Variants in STS observed in about 807,000 individuals in gnomAD.
The protein encoded by STS is steroid sulfatase.
A neutral mutation model predicts 26.8 loss-of-function variants in STS; 7 were observed. The observed-to-expected ratio is 0.26, with a 90% confidence interval of 0.15 to 0.49. STS has a LOEUF of 0.49. Among genes scored for constraint, STS ranks in the 20% least tolerant of loss-of-function variants. The probability of loss-of-function intolerance (pLI) is 0.98; values close to 1 mark genes in which losing one functional copy is unlikely to be tolerated. For synonymous variants in STS, 199 were observed against 189.4 expected (o/e 1.05, Z -0.42); for missense variants, 434 against 465.6 (o/e 0.93, Z 0.63).
chrX:7,277,504 A>G (rs1269698041), intron 7 of STS, among the ~76,000 whole-genome samples: 1 of 111,766 alleles, frequency 8.9e-6, no homozygotes. Context: ...TTCTTAAGAA[A>G]CAAGACTGGG....
Position 7,155,379 on chromosome X carries a change from T to C in STS, c.-134+7296T>C, listed in dbSNP as rs141408626. Among the ~76,000 whole-genome samples the C allele has an allele frequency of 8.4e-4, 94 of 112,077 alleles. 1 individual carries two copies. Among genetic ancestry groups the C allele is most frequent in the African/African-American group, 2.8e-3 (87 of 30,848 alleles). On this transcript the variant is annotated intron_variant, in intron 1 of 10. Coordinates refer to ENST00000674429, the MANE Select transcript of STS (RefSeq NM_001320752.2). ...GCTGTGGGATTTTGCCAAGTCAGCG[T>C]GACACCAAACACATTGGAAAAGCAG...
intron 2 of STS, among the ~76,000 whole-genome samples, chrX:7,214,316 A>G (rs1398813268): frequency 5.4e-5 from 6 of 111,460 alleles, no homozygotes; most frequent in Non-Finnish European, 1.1e-4. Flanking sequence ...TCCTTTTCCT[A>G]ACTTTTCCAT....
intron 2 of STS, among the ~76,000 whole-genome samples, chrX:7,224,896 G>A (rs781750361): frequency 3.6e-5 from 4 of 112,119 alleles, no homozygotes; most frequent in Admixed American, 9.5e-5. Context: ...ACTTTATTTT[G>A]CTCTTTCTGG....
chrX:7,196,245 G>A lies in STS; in HGVS notation c.-5+5237G>A, dbSNP rs1448637038. ...ACCAGGAAAAGTATGGTAAACCAGGGTAAGGTTGGCTGTGCACATTTCAGT... is the reference window on the plus strand; with the variant it reads ...ACCAGGAAAAGTATGGTAAACCAGGATAAGGTTGGCTGTGCACATTTCAGT... On this transcript the variant is annotated intron_variant, in intron 2 of 10. Transcript: ENST00000674429. Among the ~76,000 whole-genome samples, 3 of 111,952 alleles carry A rather than the reference G, an allele frequency of 2.7e-5. No homozygotes were observed. The East Asian group carries it at 8.5e-4, about 32-fold the overall frequency.
rs749613220 is a variant in STS, at chrX:7,268,577, ATATACAGGG to A, written c.807-7373_807-7365del. ...TAAATCAGATTAAACACTAAGAGCA[ATATACAGGG>A]ACACACACAGATGCTCATTCAAAAA... On this transcript the variant is annotated intron_variant, in intron 6 of 10. Transcript: ENST00000674429. 9.8e-5 allele frequency among the ~76,000 whole-genome samples: 11 copies of A among 112,724 alleles called. No homozygotes were observed. In the South Asian group the frequency reaches 2.9e-3, roughly 30 times the overall value.
chrX:7,321,880 C>T (rs1293212840), intron 8 of STS, among the ~76,000 whole-genome samples: 2 of 111,697 alleles, frequency 1.8e-5, no homozygotes, highest in Admixed American at 1.9e-4. Flanking sequence ...TGTTTATTCC[C>T]CCAGCGATGG....
intron 2 of STS, among the ~76,000 whole-genome samples, chrX:7,214,567 T>A (rs2147041867): frequency 9.0e-6 from 1 of 111,215 alleles, no homozygotes; most frequent in African/African-American, 3.3e-5. Context: ...TTTCAATAGG[T>A]TTTTGGGAAA....
chrX:7,235,183 G>T lies in STS; in HGVS notation c.-4-18013G>T, dbSNP rs1467653132. On this transcript the variant is annotated intron_variant, in intron 2 of 10. Coordinates refer to ENST00000674429, the MANE Select transcript of STS (RefSeq NM_001320752.2). ...AGAGGTCTTAGATCTGAGCAAGAGA[G>T]AAATGGCTCCTTCCACATGGTAACT... 2.7e-5 allele frequency among the ~76,000 whole-genome samples: 3 copies of T among 112,385 alleles called. No homozygotes were observed. In the East Asian group the frequency reaches 8.5e-4, roughly 32 times the overall value.
At chrX:7,192,996 C>T in intron 2 of STS, among the ~76,000 whole-genome samples, 1 of 112,391 alleles carries the variant, frequency 8.9e-6, no homozygotes, top group Non-Finnish European at 1.9e-5. Context: ...CTAGAATAGT[C>T]AATGGTCTTT....
intron 8 of STS, among the ~76,000 whole-genome samples, chrX:7,306,153 G>A (rs1008441381): frequency 6.3e-5 from 7 of 110,990 alleles, no homozygotes; most frequent in Non-Finnish European, 1.3e-4. Flanking sequence ...CATATATATT[G>A]TCTAATATAT....
At chrX:7,299,489 TATATA>T (rs1477911905) in intron 7 of STS, among the ~76,000 whole-genome samples, 2 of 106,186 alleles carry the variant, frequency 1.9e-5, no homozygotes, top group Admixed American at 1.1e-4. Context: ...GTGTGTGTTA[TATATA>T]ATATAAAACA....
At chrX:7,335,452 G>T (rs1569230543) in intron 10 of STS, among the ~76,000 whole-genome samples, 1 of 112,011 alleles carries the variant, frequency 8.9e-6, no homozygotes, top group East Asian at 2.8e-4. Context: ...TTTTGATGGG[G>T]TTGTTTGTTT....
chrX:7,279,381 A>ATGTG (rs1464451565), intron 7 of STS, among the ~76,000 whole-genome samples: 2 of 79,405 alleles, frequency 2.5e-5, no homozygotes, highest in African/African-American at 1.0e-4. Context: ...GTGTGTGTAT[A>ATGTG]TATATGTGTG....
intron 7 of STS, among the ~76,000 whole-genome samples, chrX:7,294,878 G>A (rs1434949388): frequency 9.0e-6 from 1 of 111,530 alleles, no homozygotes; most frequent in African/African-American, 3.3e-5. Context: ...TGGACCAATG[G>A]CCTCTGACAG....
chrX:7,173,150 T>C (rs187227398), intron 1 of STS, among the ~76,000 whole-genome samples: 2 of 111,122 alleles, frequency 1.8e-5, no homozygotes, highest in East Asian at 5.7e-4. Context: ...GCATGTGTTC[T>C]CATTGTTCAA....
At chrX:7,255,460 G>C (rs1923360855) in intron 3 of STS, among the ~76,000 whole-genome samples, 1 of 111,403 alleles carries the variant, frequency 9.0e-6, no homozygotes, top group Non-Finnish European at 1.9e-5. Context: ...GTAGATAACT[G>C]TTCCTACCAA....
chrX:7,207,261 T>C (rs1173234497), intron 2 of STS, among the ~76,000 whole-genome samples: 3 of 112,258 alleles, frequency 2.7e-5, no homozygotes, highest in Non-Finnish European at 3.8e-5. Flanking sequence ...TTGATTTTTC[T>C]GCATTGCCCA....
At chrX:7,279,630 T>A (rs756972005) in intron 7 of STS, among the ~76,000 whole-genome samples, 10 of 109,245 alleles carry the variant, frequency 9.2e-5, no homozygotes, top group Non-Finnish European at 1.7e-4. Context: ...TAGTCATATC[T>A]TGGTCTTCTT....
chrX:7,323,328 C>G (rs1319710216), intron 8 of STS, among the ~76,000 whole-genome samples: 1 of 110,312 alleles, frequency 9.1e-6, no homozygotes, highest in Non-Finnish European at 1.9e-5. Flanking sequence ...TCCTGTCATC[C>G]AAGTAGTGAA....
Sources: gnomAD v4.1 joint callset for allele counts (sites outside exome capture counted in the v4.1 genomes callset) on GRCh38, gnomAD v4.1.1 for gene constraint, MANE v1.5 for transcripts, NCBI Gene and HGNC (gene_info 2026-07-23, HGNC 2026-07-21) for gene names.